Variants in FCF1 observed in about 807,000 individuals in gnomAD.
The protein encoded by FCF1 is FCF1 rRNA-processing protein.
A neutral mutation model predicts 32.5 loss-of-function variants in FCF1; 17 were observed. That is an observed-to-expected ratio of 0.52 (90% confidence interval 0.36 to 0.78). The LOEUF is 0.78. Ranked by LOEUF, FCF1 falls within the 30% of genes least tolerant of loss-of-function variation. The pLI, the probability that FCF1 is intolerant of heterozygous loss-of-function variation, is 0.00. For missense variants in FCF1, 201 were observed against 241.1 expected (o/e 0.83, Z 1.10); for synonymous variants, 84 against 78.4 (o/e 1.07, Z -0.38).
intron 5 of FCF1, among the ~76,000 whole-genome samples, chr14:74,728,700 C>T (rs1182129566): frequency 6.6e-6 from 1 of 152,112 alleles, no homozygotes; most frequent in Non-Finnish European, 1.5e-5. Flanking sequence ...GGGAATGCTG[C>T]CAGTTTTTGC....
Position 74,735,172 on chromosome 14 carries a change from G to A in FCF1, c.*242G>A. On this transcript the variant is annotated 3_prime_UTR_variant, in exon 8 of 8. Coordinates refer to ENST00000341162, the MANE Select transcript of FCF1 (RefSeq NM_015962.5). ...CGGGGGTTGGGGGGAATCTGTGCAG[G>A]GGGAAGCATATTACAGAAGCAAGAA... 2.2e-6 allele frequency: 1 copy of A among 446,562 alleles called. No individual in the cohort carries two copies. The highest frequency in any genetic ancestry group is 4.0e-6 in the Non-Finnish European group (1 of 251,202). The allele number at this position is 446,562 out of a possible 1,614,324, so 27.7% of individuals were successfully genotyped here. A position where few individuals can be genotyped will look rare whatever the true frequency, so the allele number is the denominator to read the frequency against.
At chr14:74,729,199 G>C (rs1413309317) in intron 5 of FCF1, among the ~76,000 whole-genome samples, 3 of 152,096 alleles carry the variant, frequency 2.0e-5, no homozygotes, top group Non-Finnish European at 4.4e-5. Flanking sequence ...CCTTGTACCT[G>C]TGGTAGAATT....
At chr14:74,732,910 G>A in intron 6 of FCF1, 92 bp downstream of exon 6, 1 of 736,232 alleles carries the variant, frequency 1.4e-6, no homozygotes, top group South Asian at 1.8e-5. Flanking sequence ...AAAACATCTA[G>A]GAATATACAT....
At chr14:74,719,436 A>G (rs1347550384) in intron 4 of FCF1, among the ~76,000 whole-genome samples, 1 of 151,694 alleles carries the variant, frequency 6.6e-6, no homozygotes, top group Non-Finnish European at 1.5e-5. Context: ...CCTGGGCAAC[A>G]TGGTGTGACC....
chr14:74,724,477 G>C (rs1472740652), intron 5 of FCF1, among the ~76,000 whole-genome samples: 1 of 152,090 alleles, frequency 6.6e-6, no homozygotes, highest in African/African-American at 2.4e-5. Flanking sequence ...GTAGAGATGA[G>C]GTCTCACCAT....
chr14:74,729,103 G>A (rs2090604558), intron 5 of FCF1, among the ~76,000 whole-genome samples: 2 of 152,182 alleles, frequency 1.3e-5, no homozygotes, highest in Non-Finnish European at 2.9e-5. Flanking sequence ...GTATCAGGAT[G>A]ATGCTGGCCT....
At chr14:74,732,154 TTA>T (rs57872736) in intron 5 of FCF1, among the ~76,000 whole-genome samples, 97 of 149,984 alleles carry the variant, frequency 6.5e-4, no homozygotes, top group African/African-American at 1.9e-3. Context: ...TTAAATCATA[TTA>T]TATATATATA....
In FCF1 at chr14:74,715,887, G is replaced by A. The variant is rs940727778; in HGVS notation, c.144-64G>A. 5.6e-6 allele frequency: 9 copies of A among 1,604,988 alleles called. No individual in the cohort carries two copies. The African/African-American group carries it at 9.5e-5, about 17-fold the overall frequency. On this transcript the variant is annotated intron_variant, in intron 3 of 7. Transcript: ENST00000341162. ...ACAGTCCCAAGCAGACTTCTTTTTT[G>A]TTTTTGTTAATACTAGGGTATCAAT...
At chr14:74,726,101 A>G (rs1430987379) in intron 5 of FCF1, among the ~76,000 whole-genome samples, 1 of 152,126 alleles carries the variant, frequency 6.6e-6, no homozygotes, top group African/African-American at 2.4e-5. Flanking sequence ...TGGAATGCTC[A>G]TGAATAAAAT....
At chr14:74,713,580 G>T (rs2090365750) in intron 2 of FCF1, 28 bp downstream of exon 2, 1 of 1,586,042 alleles carries the variant, frequency 6.3e-7, no homozygotes, top group Admixed American at 1.7e-5. Context: ...ACTGCCCAGG[G>T]ATATTCTAAT....
At chr14:74,730,998 C>CA (rs774733553) in intron 5 of FCF1, among the ~76,000 whole-genome samples, 113 of 138,528 alleles carry the variant, frequency 8.2e-4, no homozygotes, top group Non-Finnish European at 8.2e-4. Context: ...ACCCCATCTC[C>CA]AAAAAAAAAA....
chr14:74,729,401 T>C (rs1478816447), intron 5 of FCF1, among the ~76,000 whole-genome samples: 1 of 152,160 alleles, frequency 6.6e-6, no homozygotes, highest in African/African-American at 2.4e-5. Flanking sequence ...GAGGTGTTTG[T>C]AGTATTCTCT....
chr14:74,730,382 AT>A (rs1319643701), intron 5 of FCF1, among the ~76,000 whole-genome samples: 1 of 150,732 alleles, frequency 6.6e-6, no homozygotes, highest in Non-Finnish European at 1.5e-5. Context: ...ATGTCTGATT[AT>A]TTTTTTTCTT....
intron 4 of FCF1, among the ~76,000 whole-genome samples, chr14:74,718,901 T>C (rs1594782989): frequency 1.3e-5 from 2 of 152,074 alleles, no homozygotes; most frequent in South Asian, 4.2e-4. Flanking sequence ...GGTTCACACC[T>C]GTAATCCTAG....
chr14:74,733,929 G>A (rs957810702), intron 6 of FCF1, 147 bp from the exon 7 acceptor site: 10 of 539,938 alleles, frequency 1.9e-5, no homozygotes, highest in Non-Finnish European at 2.7e-5. Flanking sequence ...ATCATAGTAG[G>A]TACTCAACAA....
chr14:74,727,330 T>C (rs1359856213), intron 5 of FCF1, among the ~76,000 whole-genome samples: 1 of 151,746 alleles, frequency 6.6e-6, no homozygotes, highest in African/African-American at 2.4e-5. Flanking sequence ...CTCATTGTGG[T>C]TTTGATTTGC....
chr14:74,733,765 G>A (rs1454627789), intron 6 of FCF1, among the ~76,000 whole-genome samples: 1 of 152,072 alleles, frequency 6.6e-6, no homozygotes, highest in Non-Finnish European at 1.5e-5. Context: ...CTAAAGAATT[G>A]TCTGCCCCAA....
intron 5 of FCF1, among the ~76,000 whole-genome samples, chr14:74,724,039 A>C (rs2140029399): frequency 6.6e-6 from 1 of 152,168 alleles, no homozygotes. Context: ...ATTGGCAAAA[A>C]TTTTTTAATG....
chr14:74,722,481 TC>T (rs1386891687), intron 4 of FCF1, among the ~76,000 whole-genome samples: 1 of 152,222 alleles, frequency 6.6e-6, no homozygotes, highest in Admixed American at 6.5e-5. Context: ...TCTTTGTGTC[TC>T]AGGTTCCTCA....
Sources: allele counts gnomAD v4.1 joint callset (sites outside exome capture counted in the v4.1 genomes callset), GRCh38; gene constraint gnomAD v4.1.1; transcripts MANE v1.5; gene names NCBI Gene and HGNC (gene_info 2026-07-23, HGNC 2026-07-21).